DNAH7: variants seen among roughly 807,000 people sequenced by gnomAD.
The protein encoded by DNAH7 is dynein axonemal heavy chain 7, also known as axonemal beta dynein heavy chain 7.
A neutral mutation model predicts 444.6 loss-of-function variants in DNAH7; 397 were observed. The ratio of observed to expected loss-of-function variants is 0.89; its 90% CI spans 0.82 to 0.97. The LOEUF (loss-of-function observed/expected upper bound fraction) is 0.97. Ranked by LOEUF, DNAH7 falls within the 50% of genes least tolerant of loss-of-function variation. DNAH7 has a pLI of 0.00. For synonymous variants in DNAH7, 1,636 were observed against 1,624.4 expected (o/e 1.01, Z -0.17); for missense variants, 4,902 against 4,800.8 (o/e 1.02, Z -0.62).
intron 9 of DNAH7, among the ~76,000 whole-genome samples, chr2:196,016,911 T>C (rs1013114909): frequency 6.6e-6 from 1 of 152,212 alleles, no homozygotes; most frequent in African/African-American, 2.4e-5. Flanking sequence ...CGAAAATCTA[T>C]ATAAAAATTA....
intron 30 of DNAH7, 60 bp from the exon 31 acceptor site, chr2:195,891,864 C>A: frequency 7.8e-7 from 1 of 1,287,192 alleles, no homozygotes. Context: ...TCATAGAAAA[C>A]ATTATTGCAC....
At chr2:195,966,843 T>C (rs1691511025) in intron 17 of DNAH7, among the ~76,000 whole-genome samples, 1 of 152,210 alleles carries the variant, frequency 6.6e-6, no homozygotes, top group Non-Finnish European at 1.5e-5. Context: ...ACTTTATAGG[T>C]AAAGTGTGTT....
chr2:196,037,516 A>C (rs1696471520), intron 5 of DNAH7, among the ~76,000 whole-genome samples: 1 of 152,188 alleles, frequency 6.6e-6, no homozygotes, highest in Non-Finnish European at 1.5e-5. Flanking sequence ...AGAAAAACTC[A>C]TAAGCTGAAT....
In DNAH7 at chr2:195,934,921, C is replaced by T. The variant is rs971110638; in HGVS notation, c.3273-132G>A. On this transcript the variant is annotated intron_variant, in intron 20 of 64. Coordinates refer to ENST00000312428, the MANE Select transcript of DNAH7 (RefSeq NM_018897.3). The stretch of plus-strand genomic sequence containing the variant: ...AATGCTGTGCAAAAACCGGAAACCC[C>T]CAAAACAAACAAACAAAAAACACAA... 25 of 927,868 alleles carry T rather than the reference C, an allele frequency of 2.7e-5. No homozygotes were observed. The African/African-American group carries it at 3.2e-4, about 12-fold the overall frequency. The allele number at this position is 927,868 out of a possible 1,614,324, so 57.5% of individuals were successfully genotyped here.
Position 195,897,766 on chromosome 2 carries a change from CTA to C in DNAH7, c.4549-3_4549-2del. ...CTTCATTTTCATTTGGATATTTCAG[CTA>C]AAAAAAAAAAAAAAAACTCATGAGG... On this transcript the variant is annotated splice_acceptor_variant and splice_polypyrimidine_tract_variant and intron_variant, in intron 28 of 64. Coordinates refer to ENST00000312428, the MANE Select transcript of DNAH7 (RefSeq NM_018897.3). LOFTEE classifies it high-confidence loss of function. 2 of 1,341,190 alleles carry C rather than the reference CTA, an allele frequency of 1.5e-6. No homozygotes were observed. The highest frequency in any genetic ancestry group is 1.9e-5 in the African/African-American group (1 of 53,724). The allele number at this position is 1,341,190 out of a possible 1,614,324, so 83.1% of individuals were successfully genotyped here. A position where few individuals can be genotyped will look rare whatever the true frequency, so the allele number is the denominator to read the frequency against.
intron 19 of DNAH7, among the ~76,000 whole-genome samples, chr2:195,937,756 T>C (rs1025931449): frequency 6.6e-6 from 1 of 152,084 alleles, no homozygotes; most frequent in African/African-American, 2.4e-5. Flanking sequence ...AATTCCAAAG[T>C]CAGTGTTCAC....
intron 51 of DNAH7, among the ~76,000 whole-genome samples, chr2:195,813,550 G>A (rs541301508): frequency 6.6e-6 from 1 of 152,294 alleles, no homozygotes; most frequent in South Asian, 2.1e-4. Context: ...CTGTCATACA[G>A]ATACGAAAAG....
chr2:196,048,285 G>T lies in DNAH7; in HGVS notation c.250+11C>A. ...ATCCTTAAATCTAATTTAGAATATT[G>T]AAGTTCTTACCATGGGACTGTTCAT... is the stretch of plus-strand genomic sequence containing the variant. On this transcript the variant is annotated intron_variant, in intron 4 of 64. Coordinates refer to ENST00000312428, the MANE Select transcript of DNAH7 (RefSeq NM_018897.3). 6.3e-7 allele frequency: 1 copy of T among 1,588,034 alleles called. No homozygotes were observed. Among genetic ancestry groups the T allele is most frequent in the East Asian group, 2.2e-5 (1 of 44,704 alleles).
rs372792080 is a variant in DNAH7 at position 195,794,504 on chromosome 2, C to T, written c.10550G>A (p.Arg3517Gln). ...LSPESTHPDF[R>Q]MWLTSYPSPN... is the part of the protein sequence containing the mutation. ...AGATGGGTAACTCGTTAGCCACATTCGGAAATCTGGATGTGTTGACTCTGG... is the reference window on the plus strand; with the variant it reads ...AGATGGGTAACTCGTTAGCCACATTTGGAAATCTGGATGTGTTGACTCTGG... The change falls in exon 57 of 65, where the codon CGA (arginine) becomes CAA (glutamine). Residue 3517 changes from arginine to glutamine, a missense_variant. Coordinates refer to ENST00000312428, the MANE Select transcript of DNAH7 (RefSeq NM_018897.3). 109 of 1,614,056 alleles carry T rather than the reference C, an allele frequency of 6.8e-5. No individual in the cohort carries two copies. Among genetic ancestry groups the T allele is most frequent in the Non-Finnish European group, 8.3e-5 (98 of 1,180,004 alleles).
At position 196,057,970 on chromosome 2, in the gene DNAH7, T is replaced by C. The variant is rs1052146450; in HGVS notation, c.78+84A>G. The stretch of plus-strand genomic sequence containing the variant: ...TTGTATAAAATTTAAAATCAGAAAT[T>C]CAGTAACTTACTTTCAAGCTTGAAA... On this transcript the variant is annotated intron_variant, in intron 2 of 64. Coordinates refer to ENST00000312428, the MANE Select transcript of DNAH7 (RefSeq NM_018897.3). 31 of 1,120,776 alleles carry C rather than the reference T, an allele frequency of 2.8e-5. No homozygotes were observed. The South Asian group carries it at 6.7e-4, about 24-fold the overall frequency. 69.4% of individuals were successfully genotyped at this position (1,120,776 alleles called of 1,614,324 possible). A position where few individuals can be genotyped will look rare whatever the true frequency, so the allele number is the denominator to read the frequency against.
chr2:195,886,416 T>G, intron 33 of DNAH7, 144 bp from the exon 34 acceptor site: 6 of 687,908 alleles, frequency 8.7e-6, no homozygotes, highest in Non-Finnish European at 1.4e-5. Context: ...GGTACTATTA[T>G]TACAATTCAC....
intron 47 of DNAH7, among the ~76,000 whole-genome samples, chr2:195,834,797 T>C (rs988726421): frequency 2.0e-5 from 3 of 152,324 alleles, no homozygotes; most frequent in Admixed American, 2.0e-4. Flanking sequence ...GTCATTTGTA[T>C]AATAGGGAAA....
chr2:195,745,379 T>C lies in DNAH7; in HGVS notation c.11765-4510A>G, dbSNP rs1426357432. On this transcript the variant is annotated intron_variant, in intron 63 of 64. Transcript: ENST00000312428. ...GTGAAAAGACCAAATCTACGTCTCA[T>C]TGGTGTACCTGAAAGTGACGAGGAG... 2.4e-4 allele frequency among the ~76,000 whole-genome samples: 37 copies of C among 152,330 alleles called. No individual in the cohort carries two copies. In the East Asian group the frequency reaches 4.4e-3, roughly 18 times the overall value.
At position 195,816,921 on chromosome 2, in the gene DNAH7, T is replaced by TG; in HGVS notation, c.9467dup (p.Ser3157IlefsTer10). 1 of 1,607,424 alleles carries TG rather than the reference T, an allele frequency of 6.2e-7. No individual in the cohort carries two copies. The highest frequency in any genetic ancestry group is 1.1e-5 in the South Asian group (1 of 89,448). On this transcript the variant is annotated frameshift_variant, in exon 51 of 65. Transcript: ENST00000312428. LOFTEE classifies it high-confidence loss of function. ...CTTCTAATATATTGCCTTCCGAAGA[T>TG]GAAAGAACTTCTAAAATCTTGTCTT...
chr2:195,760,980 T>G (rs1464258320), intron 61 of DNAH7, among the ~76,000 whole-genome samples: 2 of 151,604 alleles, frequency 1.3e-5, no homozygotes, highest in Non-Finnish European at 2.9e-5. Context: ...AAACATGACC[T>G]TACCAAATAA....
intron 21 of DNAH7, among the ~76,000 whole-genome samples, chr2:195,932,928 C>A (rs1336829070): frequency 6.6e-6 from 1 of 152,068 alleles, no homozygotes; most frequent in Non-Finnish European, 1.5e-5. Flanking sequence ...ATGATGCTGG[C>A]CTCATAAAAT....
intron 10 of DNAH7, among the ~76,000 whole-genome samples, chr2:196,011,333 G>A (rs1694717215): frequency 6.6e-6 from 1 of 151,902 alleles, no homozygotes; most frequent in Admixed American, 6.6e-5. Context: ...CAGGCCTAAA[G>A]CTCAGAAGAC....
chr2:195,953,728 T>G (rs370508856), intron 19 of DNAH7, among the ~76,000 whole-genome samples: 62 of 152,332 alleles, frequency 4.1e-4, no homozygotes, highest in African/African-American at 1.4e-3. Context: ...CCCAGCGGCT[T>G]TGTTTACACT....
In DNAH7 at chr2:195,853,406, C is replaced by A. The variant is rs746310217; in HGVS notation, c.8718G>T (p.Gly2906=). 14 of 1,613,880 alleles carry A rather than the reference C, an allele frequency of 8.7e-6. No individual in the cohort carries two copies. The highest frequency in any genetic ancestry group is 1.2e-5 in the Non-Finnish European group (14 of 1,179,990). The stretch of plus-strand genomic sequence containing the variant: ...CCACTCCGGAGGAAATGAGGATATC[C>A]CCAGTCAAGTTGATGTACAGCTGAC... ...ELGQLYINLT[G]DILISSGVVA... is the part of the protein sequence containing the mutation. The change falls in exon 46 of 65, where the codon GGG becomes GGT. Residue 2906 remains glycine (G), a synonymous_variant. Coordinates refer to ENST00000312428, the MANE Select transcript of DNAH7 (RefSeq NM_018897.3).
Sources: allele counts gnomAD v4.1 joint callset (sites outside exome capture counted in the v4.1 genomes callset), GRCh38; gene constraint gnomAD v4.1.1; transcripts MANE v1.5; gene names NCBI Gene and HGNC (gene_info 2026-07-23, HGNC 2026-07-21).